Variants in GABRB1 observed in about 807,000 individuals in gnomAD.
GABRB1 encodes the protein gamma-aminobutyric acid type A receptor subunit beta1.
GABRB1 carries 17 observed loss-of-function variants against 51.6 expected under a neutral mutation model. The observed-to-expected ratio is 0.33, with a 90% confidence interval of 0.23 to 0.49. GABRB1 has a LOEUF of 0.49. Ranked by LOEUF, GABRB1 falls within the 20% of genes least tolerant of loss-of-function variation. The pLI, the probability that GABRB1 is intolerant of heterozygous loss-of-function variation, is 0.99. For synonymous variants in GABRB1, 247 were observed against 218.9 expected (o/e 1.13, Z -1.14); for missense variants, 410 against 600.6 (o/e 0.68, Z 3.32).
chr4:47,141,234 T>C (rs2109693690), intron 3 of GABRB1, among the ~76,000 whole-genome samples: 1 of 152,116 alleles, frequency 6.6e-6, no homozygotes, highest in East Asian at 1.9e-4. Context: ...CCACCAGAAC[T>C]TCTCCATTTC....
At chr4:47,339,639 C>T (rs1403107741) in intron 5 of GABRB1, among the ~76,000 whole-genome samples, 1 of 150,898 alleles carries the variant, frequency 6.6e-6, no homozygotes, top group Non-Finnish European at 1.5e-5. Context: ...GTCATTAGTT[C>T]TATCATGCTG....
chr4:47,127,257 A>G (rs1198367788), intron 3 of GABRB1, among the ~76,000 whole-genome samples: 1 of 151,826 alleles, frequency 6.6e-6, no homozygotes, highest in East Asian at 1.9e-4. Context: ...ACATGCTTAT[A>G]ATTTATAAAG....
At chr4:47,192,172 G>C (rs1241806530) in intron 4 of GABRB1, among the ~76,000 whole-genome samples, 2 of 151,878 alleles carry the variant, frequency 1.3e-5, no homozygotes, top group African/African-American at 4.8e-5. Context: ...TTTCAAAAGA[G>C]AGATACTAGA....
chr4:47,296,806 ATT>A (rs982567921), intron 4 of GABRB1, among the ~76,000 whole-genome samples: 1 of 152,088 alleles, frequency 6.6e-6, no homozygotes, highest in Non-Finnish European at 1.5e-5. Flanking sequence ...CAGAATATAC[ATT>A]TTTTTCAGCA....
chr4:47,422,706 A>G (rs888749749), intron 8 of GABRB1, among the ~76,000 whole-genome samples: 3 of 152,192 alleles, frequency 2.0e-5, no homozygotes, highest in African/African-American at 7.2e-5. Context: ...TATCCCAGTC[A>G]TCACCACATA....
At chr4:47,134,508 C>T (rs1384325812) in intron 3 of GABRB1, among the ~76,000 whole-genome samples, 2 of 151,760 alleles carry the variant, frequency 1.3e-5, no homozygotes, top group East Asian at 3.9e-4. Context: ...ATGATGGATG[C>T]CCTTAAGAAA....
At position 47,250,554 on chromosome 4, in the gene GABRB1, A is replaced by G. The variant is rs1578034684; in HGVS notation, c.462-69573A>G. 2.0e-5 allele frequency among the ~76,000 whole-genome samples: 3 copies of G among 152,218 alleles called. No homozygotes were observed. The South Asian group carries it at 6.2e-4, about 32-fold the overall frequency. On this transcript the variant is annotated intron_variant, in intron 4 of 8. Transcript: ENST00000295454. ...TATTCTCCCAAAAATATTTTCCAAG[A>G]TTTTAGAATTCTCTTCTTCCTCTGG...
chr4:47,051,806 G>T (rs944684717), intron 3 of GABRB1, among the ~76,000 whole-genome samples: 3 of 152,150 alleles, frequency 2.0e-5, no homozygotes, highest in African/African-American at 2.4e-5. Context: ...CAGTCTCAAA[G>T]AAAGTCAGCC....
chr4:47,115,471 G>T (rs1213938957), intron 3 of GABRB1, among the ~76,000 whole-genome samples: 1 of 151,490 alleles, frequency 6.6e-6, no homozygotes, highest in Non-Finnish European at 1.5e-5. Flanking sequence ...TGAGAAATGT[G>T]AATTGGAACA....
intron 5 of GABRB1, among the ~76,000 whole-genome samples, chr4:47,390,798 A>T (rs996156310): frequency 6.6e-6 from 1 of 152,204 alleles, no homozygotes; most frequent in Non-Finnish European, 1.5e-5. Flanking sequence ...AACCTTTGAA[A>T]TAATAGTGTA....
chr4:47,060,708 G>T (rs888802962), intron 3 of GABRB1, among the ~76,000 whole-genome samples: 11 of 152,024 alleles, frequency 7.2e-5, no homozygotes, highest in African/African-American at 1.9e-4. Context: ...ATGAGTGTTG[G>T]CAGGCTAATA....
chr4:47,260,888 G>A (rs1722406796), intron 4 of GABRB1, among the ~76,000 whole-genome samples: 1 of 152,102 alleles, frequency 6.6e-6, no homozygotes, highest in African/African-American at 2.4e-5. Flanking sequence ...TGCAAGACTG[G>A]TTCAATATAT....
chr4:47,046,655 C>T (rs946063704), intron 3 of GABRB1, among the ~76,000 whole-genome samples: 1 of 151,612 alleles, frequency 6.6e-6, no homozygotes, highest in Non-Finnish European at 1.5e-5. Context: ...GAAGAATAAT[C>T]TAGGTAGGAA....
At chr4:47,288,158 G>A (rs1050959867) in intron 4 of GABRB1, among the ~76,000 whole-genome samples, 4 of 151,956 alleles carry the variant, frequency 2.6e-5, no homozygotes, top group Admixed American at 6.6e-5. Flanking sequence ...ATCTAGTGTC[G>A]CACTAATCAC....
intron 3 of GABRB1, among the ~76,000 whole-genome samples, chr4:47,049,388 T>C (rs1005520370): frequency 3.9e-5 from 6 of 152,002 alleles, no homozygotes; most frequent in Admixed American, 3.3e-4. Flanking sequence ...GAGGGGAGAA[T>C]ACAGAGGCTA....
At chr4:47,090,288 T>G (rs1387693472) in intron 3 of GABRB1, among the ~76,000 whole-genome samples, 1 of 152,214 alleles carries the variant, frequency 6.6e-6, no homozygotes, top group African/African-American at 2.4e-5. Context: ...TTTCTTACAA[T>G]AGGATTCTAT....
intron 3 of GABRB1, among the ~76,000 whole-genome samples, chr4:47,095,585 T>C (rs1229384178): frequency 1.3e-5 from 2 of 152,354 alleles, no homozygotes; most frequent in East Asian, 3.9e-4. Context: ...CACTTATGAC[T>C]CATGAAATTC....
intron 8 of GABRB1, among the ~76,000 whole-genome samples, chr4:47,417,994 T>G (rs767039256): frequency 3.5e-4 from 54 of 152,230 alleles, no homozygotes; most frequent in Non-Finnish European, 6.5e-4. Context: ...AGAGAGGAGA[T>G]AGTGAGTGAG....
At chr4:47,421,535 C>G (rs755740039) in intron 8 of GABRB1, among the ~76,000 whole-genome samples, 1 of 152,082 alleles carries the variant, frequency 6.6e-6, no homozygotes, top group Admixed American at 6.6e-5. Context: ...GAAGCCAACT[C>G]TTGAGATTAC....
Sources: gnomAD v4.1 joint callset for allele counts (sites outside exome capture counted in the v4.1 genomes callset) on GRCh38, gnomAD v4.1.1 for gene constraint, MANE v1.5 for transcripts, NCBI Gene and HGNC (gene_info 2026-07-23, HGNC 2026-07-21) for gene names.